The following PCNX1 variants were observed in gnomAD, a reference collection of about 807,000 sequenced individuals.
PCNX1 encodes the protein pecanex-like protein 1.
PCNX1 carries 78 observed loss-of-function variants against 242.2 expected under a neutral mutation model. The observed-to-expected ratio is 0.32, with a 90% CI of 0.27 to 0.39. The LOEUF (loss-of-function observed/expected upper bound fraction) is 0.39, where lower values mean the gene tolerates loss of function less well. Among genes scored for constraint, PCNX1 ranks in the 10% least tolerant of loss-of-function variants. PCNX1 has a pLI of 1.00. For missense variants in PCNX1, 2,581 were observed against 2,856.5 expected, an observed-to-expected ratio of 0.90 and a Z score of 2.20; for synonymous variants, 1,024 against 1,032.9, an observed-to-expected ratio of 0.99 and a Z score of 0.17.
In PCNX1 at chr14:70,948,621, A is replaced by G. The variant is rs181467043; in HGVS notation, c.362+1498A>G. Among the ~76,000 whole-genome samples, 5 of 151,454 alleles carry G rather than the reference A, an allele frequency of 3.3e-5. No individual in the cohort carries two copies. The East Asian group carries it at 7.8e-4, about 24-fold the overall frequency. ...TATGTGTATATATAGATGTGTATAT[A>G]TACACATATATAGTTGTGTATATAT... is the stretch of plus-strand genomic sequence containing the variant. On this transcript the variant is annotated intron_variant, in intron 2 of 35. Coordinates refer to ENST00000304743, the MANE Select transcript of PCNX1 (RefSeq NM_014982.3).
intron 16 of PCNX1, chr14:71,031,897 G>A: frequency 6.9e-7 from 1 of 1,452,512 alleles, no homozygotes. Context: ...TTTTCCAGCA[G>A]CCATCAGGGA....
rs1335876066 is a variant in PCNX1 at position 70,947,107 on chromosome 14, G to A, written c.346G>A (p.Asp116Asn). Reference sequence around the variant, plus strand: ...AGGCAACTGTTCAACCAGGAGAAAAGACAGCAATGGACCGAGGTAAGGAAA... The same window carrying A: ...AGGCAACTGTTCAACCAGGAGAAAAAACAGCAATGGACCGAGGTAAGGAAA... The part of the protein sequence containing the change: ...EQGNCSTRRK[D>N]SNGPSDPGGG... Residue 116 changes from aspartate (D) to asparagine (N), a missense_variant, in exon 2 of 36, where the codon GAC becomes AAC. Asp to Asn is a conservative substitution (Grantham distance 23). Around this residue, in one of 9 missense-constraint regions of PCNX1, gnomAD observed 1,204 missense variants for 1,216.7 expected, o/e 0.99. Transcript: ENST00000304743. The A allele has an allele frequency of 1.2e-6, 2 of 1,609,702 alleles. No homozygotes were observed. Among genetic ancestry groups the A allele is most frequent in the African/African-American group, 1.3e-5 (1 of 74,994 alleles).
chr14:71,105,707 A>AT (rs1329785522), intron 33 of PCNX1, among the ~76,000 whole-genome samples: 7 of 150,050 alleles, frequency 4.7e-5, no homozygotes, highest in Admixed American at 2.7e-4. Flanking sequence ...ACGCCCGGCT[A>AT]TTTTTTTGCA....
chr14:70,934,087 T>G (rs540310349), intron 1 of PCNX1, among the ~76,000 whole-genome samples: 1 of 152,346 alleles, frequency 6.6e-6, no homozygotes, highest in African/African-American at 2.4e-5. Flanking sequence ...CTAGCCAAAT[T>G]ATTCACTTGA....
At chr14:70,913,444 A>C (rs944971765) in intron 1 of PCNX1, among the ~76,000 whole-genome samples, 1 of 152,222 alleles carries the variant, frequency 6.6e-6, no homozygotes, top group Non-Finnish European at 1.5e-5. Context: ...AGTCATTGAA[A>C]GTGCAGTACG....
At chr14:70,976,519 C>T (rs1165327614) in intron 5 of PCNX1, among the ~76,000 whole-genome samples, 1 of 151,932 alleles carries the variant, frequency 6.6e-6, no homozygotes, top group Admixed American at 6.6e-5. Context: ...ACTACAGGCG[C>T]TCGCCACCAC....
intron 8 of PCNX1, among the ~76,000 whole-genome samples, chr14:71,008,096 A>G (rs1373294982): frequency 6.6e-6 from 1 of 152,204 alleles, no homozygotes; most frequent in Non-Finnish European, 1.5e-5. Context: ...ATGTGGCTAC[A>G]GAAAACAGCA....
chr14:71,062,351 G>C (rs898857311), intron 26 of PCNX1, among the ~76,000 whole-genome samples: 1 of 151,732 alleles, frequency 6.6e-6, no homozygotes, highest in African/African-American at 2.4e-5. Flanking sequence ...GCTAGTGTGT[G>C]TGTTTGTGTC....
intron 19 of PCNX1, among the ~76,000 whole-genome samples, chr14:71,042,267 G>T (rs759297111): frequency 6.6e-6 from 1 of 152,110 alleles, no homozygotes; most frequent in Non-Finnish European, 1.5e-5. Context: ...TGAAATCGAG[G>T]TGTTGATGTT....
intron 8 of PCNX1, among the ~76,000 whole-genome samples, chr14:71,000,495 A>G (rs906002074): frequency 6.6e-6 from 1 of 151,310 alleles, no homozygotes; most frequent in African/African-American, 2.4e-5. Context: ...TAGCAGTCTG[A>G]ACATTTACTC....
intron 6 of PCNX1, among the ~76,000 whole-genome samples, chr14:70,984,901 A>G (rs888922106): frequency 1.3e-5 from 2 of 152,236 alleles, no homozygotes; most frequent in Admixed American, 1.3e-4. Context: ...TAATACTACC[A>G]TAAAAAATAA....
chr14:71,029,422 G>A (rs2060322735), intron 16 of PCNX1, among the ~76,000 whole-genome samples: 1 of 152,138 alleles, frequency 6.6e-6, no homozygotes, highest in African/African-American at 2.4e-5. Flanking sequence ...ACTATGACAA[G>A]TGACTCACAG....
intron 24 of PCNX1, among the ~76,000 whole-genome samples, 178 bp from the exon 25 acceptor site, chr14:71,055,326 T>A: frequency 6.6e-6 from 1 of 152,192 alleles, no homozygotes; most frequent in Non-Finnish European, 1.5e-5. Context: ...AATTTTTTTT[T>A]AATTTCCAAA....
chr14:71,008,954 A>G (rs961392026), intron 8 of PCNX1, among the ~76,000 whole-genome samples: 1 of 152,138 alleles, frequency 6.6e-6, no homozygotes, highest in Non-Finnish European at 1.5e-5. Context: ...ATCTTAAGAG[A>G]ATTAAAAAAA....
chr14:71,051,337 A>G (rs760840063), intron 23 of PCNX1, among the ~76,000 whole-genome samples: 7 of 152,146 alleles, frequency 4.6e-5, no homozygotes, highest in Non-Finnish European at 8.8e-5. Flanking sequence ...TTACATTTGC[A>G]TATGTGAATA....
At chr14:71,087,568 A>G (rs116957711) in intron 28 of PCNX1, among the ~76,000 whole-genome samples, 2,457 of 152,164 alleles carry the variant, frequency 0.016, 25 homozygotes, top group South Asian at 0.034. Context: ...GCTTGACCCC[A>G]CCTCCAGAAT....
At chr14:71,048,311 T>C (rs371310358) in intron 22 of PCNX1, among the ~76,000 whole-genome samples, 7 of 152,166 alleles carry the variant, frequency 4.6e-5, no homozygotes, top group South Asian at 2.1e-4. Context: ...AATAATTGAA[T>C]TGGGCTCTGG....
At chr14:71,055,938 G>A (rs1255159983) in intron 25 of PCNX1, among the ~76,000 whole-genome samples, 1 of 152,024 alleles carries the variant, frequency 6.6e-6, no homozygotes, top group Admixed American at 6.6e-5. Flanking sequence ...CAATGTTTTG[G>A]TCAATATTAA....
In PCNX1 at chr14:71,047,800, G is replaced by A; in HGVS notation, c.4161-7G>A. On this transcript the variant is annotated splice_region_variant and splice_polypyrimidine_tract_variant and intron_variant, in intron 21 of 35. Transcript: ENST00000304743. ...ATGAGTTGATTTGTGTTTTCTTTGT[G>A]CCACAGATTAGGTGCTTTAATGATC... 6.3e-7 allele frequency: 1 copy of A among 1,590,002 alleles called. No individual in the cohort carries two copies. Among genetic ancestry groups the A allele is most frequent in the South Asian group, 1.1e-5 (1 of 87,720 alleles).
Sources: gnomAD v4.1 joint callset for allele counts (sites outside exome capture counted in the v4.1 genomes callset) on GRCh38, gnomAD v4.1.1 for gene constraint, gnomAD v4.1.1 regional missense constraint, MANE v1.5 for transcripts, NCBI Gene and HGNC (gene_info 2026-07-23, HGNC 2026-07-21) for gene names.